Variants in CNIH3 observed in about 807,000 individuals in gnomAD.
CNIH3 encodes cornichon family AMPA receptor auxiliary protein 3.
Under a neutral mutation model 24.1 loss-of-function variants are expected in CNIH3, and 14 were observed. The ratio of observed to expected loss-of-function variants is 0.58; its 90% CI spans 0.38 to 0.91. CNIH3 has a LOEUF of 0.91. Among genes scored for constraint, CNIH3 ranks in the 40% least tolerant of loss-of-function variants. The pLI is 0.00. For synonymous variants in CNIH3, 68 were observed against 73.8 expected, an observed-to-expected ratio of 0.92 and a Z score of 0.40; for missense variants, 178 against 196.8, an observed-to-expected ratio of 0.90 and a Z score of 0.57.
At chr1:224,603,771 TGA>T (rs1682302730) in intron 3 of CNIH3, among the ~76,000 whole-genome samples, 1 of 152,204 alleles carries the variant, frequency 6.6e-6, no homozygotes, top group Non-Finnish European at 1.5e-5. Flanking sequence ...AAAGGATGTC[TGA>T]GGTGGTTTGG....
chr1:224,737,359 A>G (rs1022416905), intron 5 of CNIH3, among the ~76,000 whole-genome samples: 2 of 152,172 alleles, frequency 1.3e-5, no homozygotes, highest in Non-Finnish European at 2.9e-5. Flanking sequence ...CCCTGCCTTC[A>G]TGATACATGT....
chr1:224,710,789 T>A (rs1006009473), intron 3 of CNIH3, among the ~76,000 whole-genome samples: 4 of 152,242 alleles, frequency 2.6e-5, no homozygotes, highest in Non-Finnish European at 2.9e-5. Flanking sequence ...TTGGCTAAAA[T>A]GTTATCTTTA....
At position 224,509,184 on chromosome 1, in the gene CNIH3, G is replaced by A. The variant is rs1351703316; in HGVS notation, n.204-6557G>A. Among the ~76,000 whole-genome samples the A allele has an allele frequency of 2.6e-5, 4 of 152,174 alleles. No individual in the cohort carries two copies. In the East Asian group the frequency reaches 7.7e-4, roughly 29 times the overall value. The stretch of plus-strand genomic sequence containing the variant: ...CTAAAAATACAAAAATTAGCCTGGT[G>A]TGGTGGTACACATCTGTAATCCCAG... On this transcript the variant is annotated intron_variant and non_coding_transcript_variant, in intron 1 of 5. Coordinates refer to the CNIH3 transcript ENST00000471578.
At chr1:224,575,180 G>C (rs1412133805) in intron 4 of CNIH3, 1 of 1,104,768 alleles carries the variant, frequency 9.1e-7, no homozygotes, top group East Asian at 2.4e-5. Flanking sequence ...CTACAGCCCA[G>C]GTTCTGATCT....
intron 1 of CNIH3, among the ~76,000 whole-genome samples, chr1:224,675,927 A>G (rs1012350271): frequency 5.3e-5 from 8 of 152,192 alleles, no homozygotes; most frequent in South Asian, 4.1e-4. Flanking sequence ...ACTTTGGAAA[A>G]CAGTTTTGTC....
intron 1 of CNIH3, among the ~76,000 whole-genome samples, chr1:224,646,963 G>A (rs1006755076): frequency 2.0e-5 from 3 of 152,146 alleles, no homozygotes; most frequent in Non-Finnish European, 4.4e-5. Flanking sequence ...CATGACTGCT[G>A]TCACACACAT....
chr1:224,562,597 G>T (rs34798157), intron 3 of CNIH3, among the ~76,000 whole-genome samples: 22,986 of 152,150 alleles, frequency 0.15, 2,203 homozygotes, highest in East Asian at 0.26. Flanking sequence ...GGAAGATGGG[G>T]CGTAATGGGA....
intron 1 of CNIH3, among the ~76,000 whole-genome samples, chr1:224,484,953 C>T (rs1421093847): frequency 6.6e-6 from 1 of 152,082 alleles, no homozygotes; most frequent in Non-Finnish European, 1.5e-5. Context: ...AGTTCTGGGT[C>T]AGTTTATCTT....
chr1:224,490,084 G>C (rs1677185748), intron 1 of CNIH3, among the ~76,000 whole-genome samples: 1 of 152,170 alleles, frequency 6.6e-6, no homozygotes, highest in African/African-American at 2.4e-5. Context: ...GCATTTAGAA[G>C]AGAAAGCAAC....
At chr1:224,450,004 GCACACA>G (rs147188963) in intron 1 of CNIH3, among the ~76,000 whole-genome samples, 1 of 147,348 alleles carries the variant, frequency 6.8e-6, no homozygotes, top group Non-Finnish European at 1.5e-5. Flanking sequence ...CATTATACAC[GCACACA>G]CACACACACA....
At chr1:224,447,964 C>T (rs899518522) in intron 1 of CNIH3, among the ~76,000 whole-genome samples, 4 of 152,180 alleles carry the variant, frequency 2.6e-5, no homozygotes, top group African/African-American at 7.2e-5. Context: ...TCACACAGCT[C>T]GTCAAGGGCA....
intron 5 of CNIH3, among the ~76,000 whole-genome samples, chr1:224,585,297 C>G (rs1032704397): frequency 6.6e-6 from 1 of 152,108 alleles, no homozygotes; most frequent in East Asian, 1.9e-4. Flanking sequence ...TTCCAGACCC[C>G]GCAATCACTC....
chr1:224,531,874 G>T (rs1287368791), intron 2 of CNIH3, among the ~76,000 whole-genome samples: 1 of 152,154 alleles, frequency 6.6e-6, no homozygotes, highest in Non-Finnish European at 1.5e-5. Flanking sequence ...TATTTGGGGA[G>T]ATGGTAGAGA....
In CNIH3 at chr1:224,508,474, CT is replaced by C. The variant is rs564932064; in HGVS notation, n.204-7266del. ...AATGGTCAATGACTTAGGTTGCAGT[CT>C]GTAGAATGGGGCCATGGACCATTAG... On this transcript the variant is annotated intron_variant and non_coding_transcript_variant, in intron 1 of 5. Transcript: ENST00000471578. 8.5e-5 allele frequency among the ~76,000 whole-genome samples: 13 copies of C among 152,334 alleles called. No individual in the cohort carries two copies. The East Asian group carries it at 2.5e-3, about 29-fold the overall frequency.
chr1:224,565,128 C>T (rs963848446), intron 3 of CNIH3, among the ~76,000 whole-genome samples: 1 of 152,200 alleles, frequency 6.6e-6, no homozygotes, highest in Admixed American at 6.5e-5. Context: ...ATAGATTTTG[C>T]AATGCTTGAG....
Position 224,616,375 on chromosome 1 carries a change from A to ACAGCGTTTGGC in CNIH3, c.-798_-788dup. On this transcript the variant is annotated 5_prime_UTR_variant, in exon 1 of 6. Transcript: ENST00000272133. ...GCGGCAGCAGCAGGTGGAGCGAGCT[A>ACAGCGTTTGGC]CAGCGTTTGGCCTGAAACCCACTGC... is the stretch of plus-strand genomic sequence containing the variant. 1.4e-6 allele frequency: 1 copy of ACAGCGTTTGGC among 713,358 alleles called. No individual in the cohort carries two copies. The highest frequency in any genetic ancestry group is 1.8e-6 in the Non-Finnish European group (1 of 566,530). The allele number at this position is 713,358 out of a possible 1,614,324, so 44.2% of individuals were successfully genotyped here.
intron 1 of CNIH3, among the ~76,000 whole-genome samples, chr1:224,471,155 C>A (rs752279623): frequency 6.6e-6 from 1 of 152,214 alleles, no homozygotes; most frequent in South Asian, 2.1e-4. Context: ...TCTCCTGCCT[C>A]AGCCTCCCGG....
chr1:224,469,619 C>T (rs140488620), intron 1 of CNIH3, among the ~76,000 whole-genome samples: 1,637 of 152,284 alleles, frequency 0.011, 15 homozygotes, highest in Non-Finnish European at 0.016. Flanking sequence ...GCAATCCCTC[C>T]GCCTCAGCCT....
At chr1:224,556,538 C>T (rs1315531807) in intron 3 of CNIH3, among the ~76,000 whole-genome samples, 1 of 152,258 alleles carries the variant, frequency 6.6e-6, no homozygotes, top group Non-Finnish European at 1.5e-5. Flanking sequence ...GGACTGGTTT[C>T]ATGGAAGATA....
Sources: gnomAD v4.1 joint callset for allele counts (sites outside exome capture counted in the v4.1 genomes callset) on GRCh38, gnomAD v4.1.1 for gene constraint, MANE v1.5 for transcripts, NCBI Gene and HGNC (gene_info 2026-07-23, HGNC 2026-07-21) for gene names.